The following RHOBTB3 variants were observed in gnomAD, a reference collection of about 807,000 sequenced individuals.
RHOBTB3 encodes Rho related BTB domain containing 3.
Under a neutral mutation model 67.2 loss-of-function variants are expected in RHOBTB3, and 47 were observed. That is an observed-to-expected ratio of 0.70 (90% confidence interval 0.55 to 0.89). The LOEUF is 0.89. Among genes scored for constraint, RHOBTB3 ranks in the 40% least tolerant of loss-of-function variants. RHOBTB3 has a pLI of 0.00. For missense variants in RHOBTB3, 631 were observed against 750.0 expected, an observed-to-expected ratio of 0.84 and a Z score of 1.85; for synonymous variants, 273 against 274.2, an observed-to-expected ratio of 1.00 and a Z score of 0.04.
At chr5:95,737,955 C>T (rs1755492825) in intron 3 of RHOBTB3, among the ~76,000 whole-genome samples, 1 of 152,196 alleles carries the variant, frequency 6.6e-6, no homozygotes, top group African/African-American at 2.4e-5. Flanking sequence ...TTCTGAACTT[C>T]ATACAAATGA....
intron 1 of RHOBTB3, among the ~76,000 whole-genome samples, chr5:95,718,929 T>A (rs1754775181): frequency 6.6e-6 from 1 of 152,112 alleles, no homozygotes; most frequent in South Asian, 2.1e-4. Context: ...AGGCTGCTTG[T>A]CCAAGTTGTT....
intron 3 of RHOBTB3, among the ~76,000 whole-genome samples, chr5:95,742,139 A>G (rs1265678071): frequency 6.6e-6 from 1 of 152,192 alleles, no homozygotes; most frequent in Non-Finnish European, 1.5e-5. Flanking sequence ...GGGCAATGAT[A>G]TTTAGAAACC....
chr5:95,723,475 G>T (rs1047663727), intron 1 of RHOBTB3, among the ~76,000 whole-genome samples: 3 of 152,202 alleles, frequency 2.0e-5, no homozygotes, highest in African/African-American at 7.2e-5. Flanking sequence ...CTGACTAAAT[G>T]GTTATTGGCT....
chr5:95,780,193 C>A (rs1346917838), intron 8 of RHOBTB3, 59 bp from the exon 9 acceptor site: 35 of 1,439,886 alleles, frequency 2.4e-5, no homozygotes, highest in African/African-American at 1.4e-5. Flanking sequence ...AGGAAAATTG[C>A]TGGAATAACC....
chr5:95,787,829 G>A (rs952647383), intron 10 of RHOBTB3, among the ~76,000 whole-genome samples: 1 of 152,164 alleles, frequency 6.6e-6, no homozygotes, highest in African/African-American at 2.4e-5. Context: ...TAAAACAGTG[G>A]GTGCTAGGAT....
chr5:95,730,761 C>T, upstream of RHOBTB3: 1 of 377,510 alleles, frequency 2.6e-6, no homozygotes, highest in Admixed American at 3.1e-5. Flanking sequence ...CCCAAGGCGA[C>T]ATTAGCAAAT....
chr5:95,741,555 TC>T (rs1755600727), intron 3 of RHOBTB3, among the ~76,000 whole-genome samples: 1 of 93,612 alleles, frequency 1.1e-5, no homozygotes, highest in African/African-American at 4.4e-5. Context: ...AGAAACAGGA[TC>T]TTGCTGTGTT....
At chr5:95,751,978 A>C (rs1745103947) in intron 4 of RHOBTB3, among the ~76,000 whole-genome samples, 1 of 152,204 alleles carries the variant, frequency 6.6e-6, no homozygotes, top group African/African-American at 2.4e-5. Flanking sequence ...GCTGTTGTGA[A>C]TAGTGCATGT....
Position 95,796,304 on chromosome 5 carries a change from A to G in RHOBTB3, c.*3130A>G, listed in dbSNP as rs565625348. 29 of 152,346 alleles carry G rather than the reference A, an allele frequency of 1.9e-4. No individual in the cohort carries two copies. Among genetic ancestry groups the G allele is most frequent in the African/African-American group, 6.7e-4 (28 of 41,582 alleles). The allele number at this position is 152,346 out of a possible 1,614,324, so 9.4% of individuals were successfully genotyped here. A position where few individuals can be genotyped will look rare whatever the true frequency, so the allele number is the denominator to read the frequency against. Reference sequence around the variant, plus strand: ...TTTTAATATAGCCTGACCTGAATTTATATGTTTTTAGCTTTAGTATTTAAC... The same window carrying G: ...TTTTAATATAGCCTGACCTGAATTTGTATGTTTTTAGCTTTAGTATTTAAC... On this transcript the variant is annotated 3_prime_UTR_variant, in exon 12 of 12. Transcript: ENST00000379982.
chr5:95,731,760 C>A, intron 1 of RHOBTB3, 76 bp downstream of exon 1: 1 of 1,606,586 alleles, frequency 6.2e-7, no homozygotes, highest in Non-Finnish European at 8.5e-7. Flanking sequence ...GGCTGGTGCC[C>A]ATCCTCGCCG....
In RHOBTB3 at chr5:95,755,721, C is replaced by T. The variant is rs886142560; in HGVS notation, c.1008C>T (p.Phe336=). The T allele has an allele frequency of 6.2e-7, 1 of 1,614,012 alleles. No homozygotes were observed. Among genetic ancestry groups the T allele is most frequent in the Non-Finnish European group, 8.5e-7 (1 of 1,180,010 alleles). The change falls in exon 6 of 12, where the codon TTC becomes TTT. Residue 336 remains phenylalanine, a synonymous_variant. Coordinates refer to ENST00000379982, the MANE Select transcript of RHOBTB3 (RefSeq NM_014899.4). ...GAGTCATTGTTAAAGACGCCCTCTT[C>T]TGTTCTTGTTTATCAGACATCCTTC... ...PLRVIVKDAL[F]CSCLSDILRF...
intron 1 of RHOBTB3, among the ~76,000 whole-genome samples, chr5:95,725,546 T>A (rs1385897445): frequency 6.6e-6 from 1 of 152,262 alleles, no homozygotes; most frequent in Non-Finnish European, 1.5e-5. Flanking sequence ...ACCTGAGAGA[T>A]TTTAGGAATG....
upstream of RHOBTB3, among the ~76,000 whole-genome samples, chr5:95,726,955 C>T (rs1490352139): frequency 6.6e-6 from 1 of 151,810 alleles, no homozygotes; most frequent in Non-Finnish European, 1.5e-5. Context: ...AGCTTAATTT[C>T]GTTTCCCCCC....
At chr5:95,751,929 T>G (rs1745101510) in intron 4 of RHOBTB3, among the ~76,000 whole-genome samples, 1 of 152,214 alleles carries the variant, frequency 6.6e-6, no homozygotes, top group African/African-American at 2.4e-5. Context: ...CTTTATCCAG[T>G]CTATCGGTGA....
Position 95,748,328 on chromosome 5 carries a change from C to A in RHOBTB3, c.416-5C>A. On this transcript the variant is annotated splice_polypyrimidine_tract_variant and splice_region_variant and intron_variant, in intron 3 of 11. Transcript: ENST00000379982. ...AACTCTTTGTTTTAAAATTTGTTTT[C>A]TCAGAAGAGTTACCTTGTACATGCC... 1 of 1,573,250 alleles carries A rather than the reference C, an allele frequency of 6.4e-7. No homozygotes were observed. The highest frequency in any genetic ancestry group is 1.2e-5 in the South Asian group (1 of 84,488).
chr5:95,723,305 A>G (rs1489461009), intron 1 of RHOBTB3, among the ~76,000 whole-genome samples: 2 of 152,272 alleles, frequency 1.3e-5, no homozygotes, highest in Non-Finnish European at 2.9e-5. Flanking sequence ...CACAGGTTGG[A>G]CAAGCTTACT....
At chr5:95,788,621 G>A (rs1746288368) in intron 10 of RHOBTB3, 141 bp from the exon 11 acceptor site, 2 of 605,852 alleles carry the variant, frequency 3.3e-6, no homozygotes, top group South Asian at 2.1e-5. Flanking sequence ...TGCTGTCACA[G>A]TATACTGAAA....
At position 95,741,946 on chromosome 5, in the gene RHOBTB3, T is replaced by C. The variant is rs999053198; in HGVS notation, c.415+4871T>C. Among the ~76,000 whole-genome samples, 7 of 152,336 alleles carry C rather than the reference T, an allele frequency of 4.6e-5. No individual in the cohort carries two copies. In the East Asian group the frequency reaches 1.3e-3, roughly 29 times the overall value. On this transcript the variant is annotated intron_variant, in intron 3 of 11. Transcript: ENST00000379982. ...TTTAAATTCAGTATTTTGTGATCTG[T>C]TCTGATTATTCTTTTGGATGCTCAC... is the stretch of plus-strand genomic sequence containing the variant.
chr5:95,731,242 G>A (rs922046578), upstream of RHOBTB3: 2 of 1,005,510 alleles, frequency 2.0e-6, no homozygotes, highest in Middle Eastern at 5.0e-4. Flanking sequence ...CCCCGGGGCT[G>A]GCACGTGCTG....
Sources: gnomAD v4.1 joint callset for allele counts (sites outside exome capture counted in the v4.1 genomes callset) on GRCh38, gnomAD v4.1.1 for gene constraint, MANE v1.5 for transcripts, NCBI Gene and HGNC (gene_info 2026-07-23, HGNC 2026-07-21) for gene names.